Variants in ASTN1 observed in about 807,000 individuals in gnomAD.
The protein encoded by ASTN1 is astrotactin 1, also known as astrotactin-1.
ASTN1 carries 41 observed loss-of-function variants against 140.7 expected under a neutral mutation model. The ratio of observed to expected loss-of-function variants is 0.29; its 90% CI spans 0.23 to 0.38. The LOEUF is 0.38. ASTN1 is among the 10% of genes least tolerant of loss of function. The pLI is 1.00. For synonymous variants in ASTN1, 640 were observed against 652.2 expected, an observed-to-expected ratio of 0.98 and a Z score of 0.29; for missense variants, 1,479 against 1,678.8, an observed-to-expected ratio of 0.88 and a Z score of 2.08.
At chr1:177,101,362 T>A (rs934125311) in intron 1 of ASTN1, among the ~76,000 whole-genome samples, 1 of 152,212 alleles carries the variant, frequency 6.6e-6, no homozygotes, top group Non-Finnish European at 1.5e-5. Context: ...TGAAATGCTA[T>A]TTTTCAGTGA....
Position 176,884,473 on chromosome 1 carries a change from A to G in ASTN1, c.3092T>C (p.Val1031Ala). ...LPQPVLRLST[V>A]HEPSSTLVVL... Reference sequence around the variant, plus strand: ...CACAAGAGTGCTGCTGGGCTCGTGAACCGTGGAGAGTCTCAGCCTGTGTGC... The same window carrying G: ...CACAAGAGTGCTGCTGGGCTCGTGAGCCGTGGAGAGTCTCAGCCTGTGTGC... The change falls in exon 19 of 23, where the codon GTT (valine) becomes GCT (alanine). Residue 1031 changes from valine to alanine, a missense_variant. Coordinates refer to ENST00000361833, the MANE Select transcript of ASTN1 (RefSeq NM_004319.3). 6.2e-7 allele frequency: 1 copy of G among 1,613,200 alleles called. No individual in the cohort carries two copies. Among genetic ancestry groups the G allele is most frequent in the Non-Finnish European group, 8.5e-7 (1 of 1,179,376 alleles).
intron 8 of ASTN1, among the ~76,000 whole-genome samples, chr1:176,970,939 C>G (rs1009105075): frequency 6.6e-6 from 1 of 152,172 alleles, no homozygotes; most frequent in African/African-American, 2.4e-5. Context: ...TAAATGAAAG[C>G]ACATCCTTTC....
At chr1:176,928,105 A>T (rs1319805195) in intron 16 of ASTN1, among the ~76,000 whole-genome samples, 2 of 150,748 alleles carry the variant, frequency 1.3e-5, no homozygotes, top group Non-Finnish European at 3.0e-5. Flanking sequence ...TTTGAGAGAA[A>T]GGATAAAATA....
intron 1 of ASTN1, among the ~76,000 whole-genome samples, chr1:177,121,260 GATCT>G (rs1182709496): frequency 6.6e-6 from 1 of 152,114 alleles, no homozygotes; most frequent in Non-Finnish European, 1.5e-5. Flanking sequence ...AAGATGGAAA[GATCT>G]ATGCCCCTAA....
Position 176,864,429 on chromosome 1 carries a change from G to A in ASTN1, c.3740C>T (p.Ser1247Leu), listed in dbSNP as rs1188101602. Residue 1247 changes from serine (S) to leucine (L), a missense_variant, in exon 23 of 23, where the codon TCA (serine) becomes TTA (leucine). This residue lies in a region of ASTN1 where 746 missense variants were observed against 800.9 expected (regional missense o/e 0.93). Transcript: ENST00000361833. ...GTAGCGGCACCCCAGGTACTTGAGT[G>A]AGCTGCGCCGCAAGCTTATCTTGGG... ...QEPKISLRRS[S>L]LKYLGCRYSE... 3 of 1,614,140 alleles carry A rather than the reference G, an allele frequency of 1.9e-6. No individual in the cohort carries two copies. The Admixed American group carries it at 5.0e-5, about 27-fold the overall frequency.
Position 176,894,817 on chromosome 1 carries a change from T to G in ASTN1, c.2685A>C (p.Ser895=), listed in dbSNP as rs142625978. The part of the protein sequence containing the change: ...YEDISKGNSP[S]DESEERERDP... Reference sequence around the variant, plus strand: ...CTCTTTCCCGCTCCTCAGACTCATCTGATGGGGAGTTGCCTGCAGACACAA... The same window carrying G: ...CTCTTTCCCGCTCCTCAGACTCATCGGATGGGGAGTTGCCTGCAGACACAA... The change falls in exon 17 of 23, where the codon TCA becomes TCC. Residue 895 remains serine, a synonymous_variant. Coordinates refer to ENST00000361833, the MANE Select transcript of ASTN1 (RefSeq NM_004319.3). 36 of 1,613,764 alleles carry G rather than the reference T, an allele frequency of 2.2e-5. No homozygotes were observed. In the African/African-American group the frequency reaches 4.7e-4, roughly 21 times the overall value.
intron 19 of ASTN1, 43 bp from the exon 20 acceptor site, chr1:176,883,037 A>G: frequency 1.9e-6 from 3 of 1,611,474 alleles, no homozygotes; most frequent in Non-Finnish European, 2.5e-6. Context: ...AGAAACAATG[A>G]CGGCCAAGCA....
chr1:176,914,086 C>T (rs2103064051), intron 16 of ASTN1, among the ~76,000 whole-genome samples: 1 of 152,250 alleles, frequency 6.6e-6, no homozygotes, highest in Admixed American at 6.5e-5. Context: ...TGTCAGTTCT[C>T]TATATGAATC....
chr1:177,052,049 G>A (rs991332957), intron 2 of ASTN1, among the ~76,000 whole-genome samples: 1 of 152,092 alleles, frequency 6.6e-6, no homozygotes, highest in Non-Finnish European at 1.5e-5. Context: ...ATCATAAGAC[G>A]CCTGGTGGGA....
At chr1:177,097,630 T>TATGAATA (rs1385060570) in intron 1 of ASTN1, among the ~76,000 whole-genome samples, 6 of 152,166 alleles carry the variant, frequency 3.9e-5, no homozygotes, top group African/African-American at 1.4e-4. Flanking sequence ...AGGAACATCT[T>TATGAATA]TTGCTATTCA....
chr1:177,031,067 C>A (rs6682507), intron 3 of ASTN1, 115 bp from the exon 4 acceptor site: 3 of 1,143,666 alleles, frequency 2.6e-6, no homozygotes, highest in Non-Finnish European at 3.6e-6. Flanking sequence ...AAATAAGACA[C>A]CAGCAAACTG....
chr1:177,049,924 C>T (rs903659789), intron 2 of ASTN1, among the ~76,000 whole-genome samples: 2 of 152,180 alleles, frequency 1.3e-5, no homozygotes, highest in Non-Finnish European at 2.9e-5. Context: ...GGGATGGTCA[C>T]AGCCAGCTGA....
downstream of ASTN1, chr1:176,860,923 T>C: frequency 3.6e-6 from 1 of 279,694 alleles, no homozygotes; most frequent in Non-Finnish European, 5.4e-6. Flanking sequence ...AATATTTGAT[T>C]CTTTTTTTTT....
rs1668031770 is a variant in ASTN1 at position 176,863,453 on chromosome 1, T to A, written c.*831A>T. ...CTATCCAAAGGAAGCATGGTTTTTT[T>A]AAAAAACAATAAACTCCAAGTCTCC... On this transcript the variant is annotated 3_prime_UTR_variant, in exon 23 of 23. Coordinates refer to ENST00000361833, the MANE Select transcript of ASTN1 (RefSeq NM_004319.3). The A allele has an allele frequency of 2.0e-6, 2 of 985,742 alleles. No homozygotes were observed. The highest frequency in any genetic ancestry group is 2.4e-6 in the Non-Finnish European group (2 of 829,910). 61.1% of individuals were successfully genotyped at this position (985,742 alleles called of 1,614,324 possible). A position where few individuals can be genotyped will look rare whatever the true frequency, so the allele number is the denominator to read the frequency against.
intron 8 of ASTN1, among the ~76,000 whole-genome samples, chr1:176,980,413 T>C (rs1294773345): frequency 2.6e-5 from 4 of 152,094 alleles, no homozygotes; most frequent in Non-Finnish European, 2.9e-5. Context: ...AGTTCGATGC[T>C]GCTGGAGTCC....
intron 1 of ASTN1, among the ~76,000 whole-genome samples, chr1:177,122,995 G>A (rs1304797174): frequency 6.6e-6 from 1 of 152,134 alleles, no homozygotes; most frequent in Non-Finnish European, 1.5e-5. Flanking sequence ...CTAGCTCCAA[G>A]GCCAAGGCTC....
chr1:177,077,577 C>T (rs560334842), intron 1 of ASTN1, among the ~76,000 whole-genome samples: 82 of 152,284 alleles, frequency 5.4e-4, no homozygotes, highest in South Asian at 8.3e-4. Context: ...GTCACTTTAA[C>T]GATTTCTCCT....
At chr1:177,021,712 T>C (rs892031718) in intron 7 of ASTN1, among the ~76,000 whole-genome samples, 4 of 152,216 alleles carry the variant, frequency 2.6e-5, no homozygotes, top group Non-Finnish European at 4.4e-5. Flanking sequence ...GTGTGCTTCC[T>C]TTTCTTTAAA....
intron 2 of ASTN1, among the ~76,000 whole-genome samples, chr1:177,049,203 C>T (rs1005746108): frequency 2.6e-5 from 4 of 152,208 alleles, no homozygotes; most frequent in Non-Finnish European, 5.9e-5. Context: ...ACAAGTTCAG[C>T]TAGCCCAGGA....
Sources: gnomAD v4.1 joint callset for allele counts (sites outside exome capture counted in the v4.1 genomes callset) on GRCh38, gnomAD v4.1.1 for gene constraint, gnomAD v4.1.1 regional missense constraint, MANE v1.5 for transcripts, NCBI Gene and HGNC (gene_info 2026-07-23, HGNC 2026-07-21) for gene names.